PNPLA8: variants seen among roughly 807,000 people sequenced by gnomAD.
The protein encoded by PNPLA8 is calcium-independent phospholipase A2-gamma.
In PNPLA8, 39 loss-of-function variants were observed where a neutral mutation model predicts 76.9. That is an observed-to-expected ratio of 0.51 (90% CI 0.39 to 0.66). PNPLA8 has a LOEUF of 0.66. Ranked by LOEUF, PNPLA8 falls within the 30% of genes least tolerant of loss-of-function variation. PNPLA8 has a pLI of 0.00. For missense variants in PNPLA8, 887 were observed against 918.0 expected, an observed-to-expected ratio of 0.97 and a Z score of 0.44; for synonymous variants, 301 against 307.9, an observed-to-expected ratio of 0.98 and a Z score of 0.24.
intron 4 of PNPLA8, among the ~76,000 whole-genome samples, chr7:108,507,694 TA>T (rs1294859743): frequency 1.3e-5 from 2 of 152,092 alleles, no homozygotes; most frequent in Non-Finnish European, 2.9e-5. Flanking sequence ...GAGTCCATAA[TA>T]TTTTTTTTAA....
At chr7:108,478,897 C>A (rs1194021664) in intron 10 of PNPLA8, among the ~76,000 whole-genome samples, 1 of 152,182 alleles carries the variant, frequency 6.6e-6, no homozygotes, top group Non-Finnish European at 1.5e-5. Flanking sequence ...TCTTAACTGG[C>A]TTCAGAGTCT....
chr7:108,504,311 T>A (rs1193896454), intron 4 of PNPLA8, among the ~76,000 whole-genome samples: 1 of 152,096 alleles, frequency 6.6e-6, no homozygotes, highest in Non-Finnish European at 1.5e-5. Context: ...AACCAAGAAT[T>A]GATGTTCATA....
chr7:108,481,955 C>T (rs1437099801), intron 9 of PNPLA8, among the ~76,000 whole-genome samples: 1 of 152,102 alleles, frequency 6.6e-6, no homozygotes, highest in East Asian at 1.9e-4. Flanking sequence ...ACAATTTTTG[C>T]TGAAAAGACT....
At chr7:108,526,223 G>C (rs1026160360), upstream of PNPLA8, 1 of 374,566 alleles carries the variant, frequency 2.7e-6, no homozygotes, top group African/African-American at 2.2e-5. Flanking sequence ...GTCTACCCGC[G>C]GGCCGGGGTG....
rs764931626 is a variant in PNPLA8, at chr7:108,496,766, G to C, written c.1454-11C>G. On this transcript the variant is annotated splice_polypyrimidine_tract_variant and intron_variant, in intron 6 of 10. Transcript: ENST00000257694. ...AAGCTAATATGGCACCTGGAAAAAA[G>C]AATCCTTAGCTTTTATCAGTGTTAA... is the stretch of plus-strand genomic sequence containing the variant. 8 of 1,601,990 alleles carry C rather than the reference G, an allele frequency of 5.0e-6. No homozygotes were observed. The highest frequency in any genetic ancestry group is 6.8e-6 in the Non-Finnish European group (8 of 1,172,768).
At chr7:108,527,050 C>T (rs1386898591), upstream of PNPLA8, among the ~76,000 whole-genome samples, 2 of 152,198 alleles carry the variant, frequency 1.3e-5, no homozygotes, top group East Asian at 3.8e-4. Flanking sequence ...CCCTTACCCT[C>T]TTGAAGTGAC....
chr7:108,519,654 G>A (rs1007201426), intron 2 of PNPLA8, among the ~76,000 whole-genome samples: 2 of 152,110 alleles, frequency 1.3e-5, no homozygotes, highest in Non-Finnish European at 2.9e-5. Flanking sequence ...CCAGGCTGAA[G>A]GAGCCCAGGG....
At chr7:108,496,542 CCT>C in intron 7 of PNPLA8, 40 bp downstream of exon 7, 1 of 1,246,598 alleles carries the variant, frequency 8.0e-7, no homozygotes, top group Non-Finnish European at 1.1e-6. Flanking sequence ...GCACATACTA[CCT>C]ATATAATCAG....
At chr7:108,527,569 A>G (rs1266428234), upstream of PNPLA8, 3 of 152,200 alleles carry the variant, frequency 2.0e-5, no homozygotes, top group Admixed American at 6.5e-5. Flanking sequence ...GACTATCACC[A>G]TGGGGGAGAG....
intron 9 of PNPLA8, among the ~76,000 whole-genome samples, chr7:108,484,162 T>C (rs1860585620): frequency 6.6e-6 from 1 of 152,208 alleles, no homozygotes; most frequent in East Asian, 1.9e-4. Context: ...CCTGTAGTTG[T>C]GCTAACCATT....
chr7:108,499,769 C>T (rs1861811339), intron 5 of PNPLA8, among the ~76,000 whole-genome samples: 1 of 152,202 alleles, frequency 6.6e-6, no homozygotes, highest in Non-Finnish European at 1.5e-5. Flanking sequence ...CCTAGATTTT[C>T]CCAAATTACC....
At chr7:108,493,713 C>T (rs1267292920) in intron 7 of PNPLA8, among the ~76,000 whole-genome samples, 1 of 151,410 alleles carries the variant, frequency 6.6e-6, no homozygotes, top group African/African-American at 2.4e-5. Context: ...GAAGCTTTCA[C>T]GATTGGAAAG....
In PNPLA8 at chr7:108,472,582, C is replaced by T. The variant is rs1366726989; in HGVS notation, c.2168G>A (p.Arg723Gln). ...CTGCAGCTGATCCAGCTTTTCATTT[C>T]GACTTTCATCTAGAGGTATGTTTTC... is the stretch of plus-strand genomic sequence containing the variant. ...MCENIPLDES[R>Q]NEKLDQLQLE... is the part of the protein sequence containing the mutation. The change falls in exon 11 of 11, where the codon CGA becomes CAA. Residue 723 changes from arginine to glutamine, a missense_variant. By Grantham distance (43) the Arg-to-Gln change is conservative (BLOSUM62 1). Transcript: ENST00000257694. The T allele has an allele frequency of 6.2e-7, 1 of 1,610,050 alleles. No individual in the cohort carries two copies. The highest frequency in any genetic ancestry group is 8.5e-7 in the Non-Finnish European group (1 of 1,177,888).
At chr7:108,502,271 T>C (rs1385031296) in intron 5 of PNPLA8, among the ~76,000 whole-genome samples, 1 of 151,676 alleles carries the variant, frequency 6.6e-6, no homozygotes, top group African/African-American at 2.4e-5. Context: ...GGTGAAACCC[T>C]GTCTCCACTA....
chr7:108,488,903 A>G (rs1416797146), intron 8 of PNPLA8, among the ~76,000 whole-genome samples: 1 of 152,222 alleles, frequency 6.6e-6, no homozygotes, highest in Non-Finnish European at 1.5e-5. Flanking sequence ...GTCCTGTGCC[A>G]AGTCCTGCCA....
chr7:108,498,576 A>G lies in PNPLA8; in HGVS notation c.1359-999T>C, dbSNP rs2154515716. ...GTGTGAGCCACTGCACCCGGCCACC[A>G]GTCAGATTTTTAAGCTCCCTTTTCT... On this transcript the variant is annotated intron_variant, in intron 5 of 10. Coordinates refer to ENST00000257694, the MANE Select transcript of PNPLA8 (RefSeq NM_001256007.3). 2.0e-5 allele frequency among the ~76,000 whole-genome samples: 3 copies of G among 152,028 alleles called. No homozygotes were observed. In the South Asian group the frequency reaches 6.2e-4, roughly 32 times the overall value.
At chr7:108,505,650 G>A (rs897588159) in intron 4 of PNPLA8, among the ~76,000 whole-genome samples, 13 of 151,600 alleles carry the variant, frequency 8.6e-5, no homozygotes, top group Admixed American at 7.2e-4. Context: ...CCTGAGCCAC[G>A]GCGCCTGGCC....
chr7:108,490,910 T>C (rs1861117869), intron 8 of PNPLA8, among the ~76,000 whole-genome samples: 1 of 152,254 alleles, frequency 6.6e-6, no homozygotes. Flanking sequence ...ATTTCTGGTA[T>C]AGTTTTACCG....
At chr7:108,496,776 C>A in intron 6 of PNPLA8, 21 bp from the exon 7 acceptor site, 1 of 1,592,866 alleles carries the variant, frequency 6.3e-7, no homozygotes. Context: ...GAATCCTTAG[C>A]TTTTATCAGT....
Sources: allele counts gnomAD v4.1 joint callset (sites outside exome capture counted in the v4.1 genomes callset), GRCh38; gene constraint gnomAD v4.1.1; transcripts MANE v1.5; gene names NCBI Gene and HGNC (gene_info 2026-07-23, HGNC 2026-07-21).